Variants in ZNF652 observed in about 807,000 individuals in gnomAD.
The protein encoded by ZNF652 is zinc finger protein 652.
In ZNF652, 16 loss-of-function variants were observed where a neutral mutation model predicts 45.2. The observed-to-expected ratio is 0.35, with a 90% confidence interval of 0.24 to 0.54. The LOEUF (loss-of-function observed/expected upper bound fraction) is 0.54. Ranked by LOEUF, ZNF652 falls within the 20% of genes least tolerant of loss-of-function variation. The pLI, the probability that ZNF652 is intolerant of heterozygous loss-of-function variation, is 0.91. For synonymous variants in ZNF652, 250 were observed against 260.6 expected (o/e 0.96, Z 0.39); for missense variants, 614 against 765.6 (o/e 0.80, Z 2.34).
chr17:49,347,390 C>T (rs1184104652), intron 1 of ZNF652, among the ~76,000 whole-genome samples: 1 of 151,772 alleles, frequency 6.6e-6, no homozygotes, highest in Admixed American at 6.6e-5. Flanking sequence ...CATGGTGAAA[C>T]CTGGTCTCTA....
At chr17:49,347,831 A>G (rs2070223136) in intron 1 of ZNF652, among the ~76,000 whole-genome samples, 1 of 146,884 alleles carries the variant, frequency 6.8e-6, no homozygotes, top group Admixed American at 7.0e-5. Context: ...TAGAGCCTCA[A>G]CCTCCTAGGC....
In ZNF652 at chr17:49,291,206, T is replaced by A. The variant is rs1487012948; in HGVS notation, c.*7207A>T. On this transcript the variant is annotated 3_prime_UTR_variant, in exon 6 of 6. Transcript: ENST00000430262. ...CCAACTTTCAAATGCAATGAAACAG[T>A]CTTGAGTCCTGTACAGGATGTCTAT... The A allele has an allele frequency of 6.6e-6, 1 of 152,160 alleles. No individual in the cohort carries two copies. The highest frequency in any genetic ancestry group is 1.5e-5 in the Non-Finnish European group (1 of 68,024). The allele number at this position is 152,160 out of a possible 1,614,324, so 9.4% of individuals were successfully genotyped here.
intron 1 of ZNF652, among the ~76,000 whole-genome samples, chr17:49,318,770 C>T (rs1326158149): frequency 2.6e-5 from 4 of 152,070 alleles, no homozygotes; most frequent in African/African-American, 7.2e-5. Flanking sequence ...AGTGAGAGCT[C>T]GCAGAACAAA....
At chr17:49,340,186 G>A (rs1040999834) in intron 1 of ZNF652, among the ~76,000 whole-genome samples, 7 of 152,158 alleles carry the variant, frequency 4.6e-5, no homozygotes, top group South Asian at 2.1e-4. Context: ...AGGCCGAGGC[G>A]GGCGGATTAC....
chr17:49,334,222 T>C (rs1176268019), intron 1 of ZNF652, among the ~76,000 whole-genome samples: 1 of 152,208 alleles, frequency 6.6e-6, no homozygotes, highest in Admixed American at 6.5e-5. Context: ...GGCTCATGCC[T>C]GTAATCCCAG....
At chr17:49,303,399 C>T (rs1172344616) in intron 5 of ZNF652, among the ~76,000 whole-genome samples, 5 of 151,794 alleles carry the variant, frequency 3.3e-5, no homozygotes, top group South Asian at 2.1e-4. Flanking sequence ...CACCACCATA[C>T]CTGGCTAGTT....
chr17:49,303,696 A>C (rs768098841), intron 5 of ZNF652, among the ~76,000 whole-genome samples: 2 of 152,108 alleles, frequency 1.3e-5, no homozygotes, highest in Non-Finnish European at 2.9e-5. Flanking sequence ...AAAGGCCCTA[A>C]TCTTTGAATT....
chr17:49,295,443 T>C lies in ZNF652; in HGVS notation c.*2970A>G, dbSNP rs919510830. The C allele has an allele frequency of 1.3e-5, 2 of 151,558 alleles. No individual in the cohort carries two copies. The highest frequency in any genetic ancestry group is 6.6e-5 in the Admixed American group (1 of 15,048). 9.4% of individuals were successfully genotyped at this position (151,558 alleles called of 1,614,324 possible). A position where few individuals can be genotyped will look rare whatever the true frequency, so the allele number is the denominator to read the frequency against. On this transcript the variant is annotated 3_prime_UTR_variant, in exon 6 of 6. Transcript: ENST00000430262. ...ATATATATATATATTTTTGTTTCTGTTAAGGATGGTGGTATTTGCTTAATA... is the reference window on the plus strand; with the variant it reads ...ATATATATATATATTTTTGTTTCTGCTAAGGATGGTGGTATTTGCTTAATA...
chr17:49,342,142 C>T (rs1240936702), intron 1 of ZNF652, among the ~76,000 whole-genome samples: 1 of 151,184 alleles, frequency 6.6e-6, no homozygotes, highest in Admixed American at 6.6e-5. Flanking sequence ...GCCAAGATTG[C>T]GCCACTGCAC....
chr17:49,351,260 A>G (rs1330101290), intron 1 of ZNF652, among the ~76,000 whole-genome samples: 1 of 151,824 alleles, frequency 6.6e-6, no homozygotes, highest in East Asian at 1.9e-4. Flanking sequence ...ATTAACTGGC[A>G]TGGCTGATTA....
At position 49,289,371 on chromosome 17, in the gene ZNF652, C is replaced by CA. The variant is rs893202360; in HGVS notation, c.*9041dup. 14 of 151,814 alleles carry CA rather than the reference C, an allele frequency of 9.2e-5. No homozygotes were observed. Among genetic ancestry groups the CA allele is most frequent in the African/African-American group, 3.4e-4 (14 of 41,432 alleles). 9.4% of individuals were successfully genotyped at this position (151,814 alleles called of 1,614,324 possible). On this transcript the variant is annotated 3_prime_UTR_variant, in exon 6 of 6. Transcript: ENST00000430262. ...GCTACATTGAGTGGTTAAAAATACA[C>CA]AAAAAAGTAGTTTTAACAATCTATA...
intron 5 of ZNF652, among the ~76,000 whole-genome samples, chr17:49,301,124 C>T (rs1256090779): frequency 1.3e-5 from 2 of 152,196 alleles, no homozygotes; most frequent in Non-Finnish European, 2.9e-5. Flanking sequence ...CCTCTTTACC[C>T]ATAGCATAGT....
intron 1 of ZNF652, among the ~76,000 whole-genome samples, chr17:49,349,713 T>A (rs552852586): frequency 1.3e-5 from 2 of 152,310 alleles, no homozygotes; most frequent in Admixed American, 1.3e-4. Flanking sequence ...TAGGGGCTTA[T>A]AACTATACTG....
At chr17:49,329,900 C>A (rs533328495) in intron 1 of ZNF652, among the ~76,000 whole-genome samples, 18 of 152,314 alleles carry the variant, frequency 1.2e-4, no homozygotes, top group South Asian at 2.1e-4. Flanking sequence ...AGTCATTACA[C>A]AAGTCAGCTG....
In ZNF652 at chr17:49,294,778, A is replaced by T. The variant is rs1409714396; in HGVS notation, c.*3635T>A. The stretch of plus-strand genomic sequence containing the variant: ...AAACTAAGTAACGAGAGACAGCCTC[A>T]ATTTGTTATCTATATAATGCTTAAA... On this transcript the variant is annotated 3_prime_UTR_variant, in exon 6 of 6. Transcript: ENST00000430262. 6.6e-6 allele frequency: 1 copy of T among 152,222 alleles called. No homozygotes were observed. The highest frequency in any genetic ancestry group is 1.9e-4 in the East Asian group (1 of 5,202). The allele number at this position is 152,222 out of a possible 1,614,324, so 9.4% of individuals were successfully genotyped here. A position where few individuals can be genotyped will look rare whatever the true frequency, so the allele number is the denominator to read the frequency against.
intron 1 of ZNF652, among the ~76,000 whole-genome samples, chr17:49,348,516 AAAGAAAAG>A (rs975888129): frequency 7.2e-6 from 1 of 138,678 alleles, no homozygotes; most frequent in Non-Finnish European, 1.6e-5. Context: ...AAAGAAAAGA[AAAGAAAAG>A]AAAAGAAAAG....
At chr17:49,347,740 GTTTTT>G (rs1181401090) in intron 1 of ZNF652, among the ~76,000 whole-genome samples, 5 of 81,214 alleles carry the variant, frequency 6.2e-5, no homozygotes, top group East Asian at 3.2e-4. Flanking sequence ...CCTTGGTTTT[GTTTTT>G]TTTTTTTTTT....
Position 49,348,296 on chromosome 17 carries a change from G to C in ZNF652, c.-259+13613C>G, listed in dbSNP as rs140685638. Among the ~76,000 whole-genome samples the C allele has an allele frequency of 4.3e-4, 66 of 151,788 alleles. 1 individual carries two copies. The highest frequency in any genetic ancestry group is 1.3e-3 in the Admixed American group (20 of 15,178). The stretch of plus-strand genomic sequence containing the variant: ...TCTTGAGATCAAGAGTTCAAGACCA[G>C]CCTGGGCAACATAGTGAGACCCCTA... On this transcript the variant is annotated intron_variant, in intron 1 of 5. Coordinates refer to ENST00000430262, the MANE Select transcript of ZNF652 (RefSeq NM_001145365.3).
At chr17:49,319,253 T>C (rs2069853598) in intron 1 of ZNF652, among the ~76,000 whole-genome samples, 1 of 152,132 alleles carries the variant, frequency 6.6e-6, no homozygotes. Flanking sequence ...ATGCCTGCTA[T>C]GGACATAGGC....
Sources: allele counts gnomAD v4.1 joint callset (sites outside exome capture counted in the v4.1 genomes callset), GRCh38; gene constraint gnomAD v4.1.1; transcripts MANE v1.5; gene names NCBI Gene and HGNC (gene_info 2026-07-23, HGNC 2026-07-21).